The following THRAP3 variants were observed in gnomAD, a reference collection of about 807,000 sequenced individuals.
The protein encoded by THRAP3 is thyroid hormone receptor-associated protein 3.
Under a neutral mutation model 101.0 loss-of-function variants are expected in THRAP3, and 16 were observed. That is an observed-to-expected ratio of 0.16 (90% CI 0.11 to 0.24). The LOEUF is 0.24. Ranked by LOEUF, THRAP3 falls within the 10% of genes least tolerant of loss-of-function variation. THRAP3 has a pLI of 1.00. For synonymous variants in THRAP3, 407 were observed against 422.6 expected (o/e 0.96, Z 0.45); for missense variants, 989 against 1,202.7 (o/e 0.82, Z 2.63).
Position 36,289,378 on chromosome 1 carries a change from G to T in THRAP3, c.1359G>T (p.Met453Ile). Residue 453 changes from methionine to isoleucine, a missense_variant, in exon 5 of 12, where the codon ATG becomes ATT. Physicochemically the swap from Met to Ile is conservative, Grantham distance 10. Coordinates refer to ENST00000354618, the MANE Select transcript of THRAP3 (RefSeq NM_005119.4). ...AGTTTGATGATGAACCCAAATTTAT[G>T]TCTAAAGTCATAGGTGCAAACAAAA... ...ESEFDDEPKF[M>I]SKVIGANKNQ... The T allele has an allele frequency of 6.2e-7, 1 of 1,614,164 alleles. No homozygotes were observed. Among genetic ancestry groups the T allele is most frequent in the Non-Finnish European group, 8.5e-7 (1 of 1,180,032 alleles).
chr1:36,253,602 T>C (rs1645335714), intron 1 of THRAP3, among the ~76,000 whole-genome samples: 1 of 152,128 alleles, frequency 6.6e-6, no homozygotes, highest in Non-Finnish European at 1.5e-5. Flanking sequence ...TAATTTTGTT[T>C]TATTTCTTTG....
chr1:36,286,882 G>A lies in THRAP3; in HGVS notation c.652G>A (p.Glu218Lys), dbSNP rs753433509. 22 of 1,613,978 alleles carry A rather than the reference G, an allele frequency of 1.4e-5. No individual in the cohort carries two copies. Among genetic ancestry groups the A allele is most frequent in the Non-Finnish European group, 1.9e-5 (22 of 1,179,942 alleles). ...CACCTCTCAAGATACAAAAGCATCTGAGAGCTCGAAGCCATGGCCAGATGC... is the reference window on the plus strand; with the variant it reads ...CACCTCTCAAGATACAAAAGCATCTAAGAGCTCGAAGCCATGGCCAGATGC... ...GGTSQDTKAS[E>K]SSKPWPDATY... Residue 218 changes from glutamate to lysine, a missense_variant, in exon 4 of 12, where the codon GAG (glutamate) becomes AAG (lysine). Coordinates refer to ENST00000354618, the MANE Select transcript of THRAP3 (RefSeq NM_005119.4). The surrounding 1 kb of genome is among the most constrained non-coding windows in gnomAD (Gnocchi z 5.5).
intron 2 of THRAP3, among the ~76,000 whole-genome samples, chr1:36,277,460 A>G (rs1645675600): frequency 6.6e-6 from 1 of 151,500 alleles, no homozygotes; most frequent in African/African-American, 2.4e-5. Context: ...TCAGTCTCCC[A>G]ACGTGCTGGG....
chr1:36,290,329 G>A (rs1467590802), intron 5 of THRAP3, among the ~76,000 whole-genome samples: 1 of 151,816 alleles, frequency 6.6e-6, no homozygotes, highest in Non-Finnish European at 1.5e-5. Flanking sequence ...CCGAGTAGCT[G>A]GGACCACAGG....
intron 2 of THRAP3, among the ~76,000 whole-genome samples, chr1:36,265,553 A>T (rs1645503839): frequency 6.6e-6 from 1 of 151,302 alleles, no homozygotes; most frequent in Admixed American, 6.6e-5. Flanking sequence ...GAGCAGAAGA[A>T]TGCCCTTGGT....
the THRAP3 span, among the ~76,000 whole-genome samples, chr1:36,214,013 A>AGAAAG: frequency 1.1e-5 from 1 of 91,472 alleles, no homozygotes; most frequent in African/African-American, 4.7e-5. Context: ...AAAGAAAGAA[A>AGAAAG]GAAAGAAAGA....
upstream of THRAP3, among the ~76,000 whole-genome samples, chr1:36,221,588 G>C (rs1387542760): frequency 6.6e-6 from 1 of 152,146 alleles, no homozygotes; most frequent in African/African-American, 2.4e-5. Flanking sequence ...AGGCTCAGAT[G>C]ACAGCATTTT....
intron 2 of THRAP3, among the ~76,000 whole-genome samples, chr1:36,269,981 G>T (rs2124530623): frequency 6.6e-6 from 1 of 152,280 alleles, no homozygotes; most frequent in East Asian, 1.9e-4. Flanking sequence ...TTTTGACCAA[G>T]AATACAGTCT....
chr1:36,268,533 G>T (rs956990131), intron 2 of THRAP3, among the ~76,000 whole-genome samples: 1 of 152,130 alleles, frequency 6.6e-6, no homozygotes, highest in Non-Finnish European at 1.5e-5. Context: ...GACCCACCTT[G>T]CTGTGTCCTC....
At chr1:36,266,495 C>G (rs1287004376) in intron 2 of THRAP3, among the ~76,000 whole-genome samples, 1 of 152,098 alleles carries the variant, frequency 6.6e-6, no homozygotes, top group Non-Finnish European at 1.5e-5. Flanking sequence ...GTAATGTGGT[C>G]CTGTTCCTTT....
chr1:36,292,256 C>CTGTTTTTTTTTTTTTT (rs1645881325), intron 6 of THRAP3, among the ~76,000 whole-genome samples: 2 of 54,534 alleles, frequency 3.7e-5, no homozygotes, highest in Admixed American at 3.7e-4. Context: ...TAATGTGTTT[C>CTGTTTTTTTTTTTTTT]TTTGTTTCTT....
At chr1:36,271,917 A>G (rs1372334647) in intron 2 of THRAP3, among the ~76,000 whole-genome samples, 1 of 151,292 alleles carries the variant, frequency 6.6e-6, no homozygotes, top group Non-Finnish European at 1.5e-5. Flanking sequence ...TTTAATAGAG[A>G]TGGGGTTTTC....
chr1:36,232,549 G>C (rs1645040022), intron 1 of THRAP3, among the ~76,000 whole-genome samples: 1 of 152,312 alleles, frequency 6.6e-6, no homozygotes, highest in African/African-American at 2.4e-5. Context: ...TCTTTAGAGA[G>C]TAAGAGGGAT....
upstream of THRAP3, among the ~76,000 whole-genome samples, chr1:36,220,083 C>T (rs1197918460): frequency 6.6e-6 from 1 of 152,044 alleles, no homozygotes; most frequent in Admixed American, 6.6e-5. Context: ...CAACCTTCAC[C>T]TCTGGGTTTA....
At chr1:36,213,496 T>C in the THRAP3 span, among the ~76,000 whole-genome samples, 4 of 151,976 alleles carry the variant, frequency 2.6e-5, no homozygotes, top group African/African-American at 4.8e-5. Context: ...GCAGATAAGA[T>C]AGAAGGAGGA....
At chr1:36,296,903 A>G in intron 9 of THRAP3, 133 bp downstream of exon 9, 1 of 634,860 alleles carries the variant, frequency 1.6e-6, no homozygotes, top group Non-Finnish European at 2.4e-6. Context: ...CTTTTAATCC[A>G]TGTAAATGTC....
chr1:36,211,366 G>GAA, the THRAP3 span, among the ~76,000 whole-genome samples: 2 of 134,846 alleles, frequency 1.5e-5, no homozygotes, highest in Non-Finnish European at 1.6e-5. Context: ...GTCTCAAAAA[G>GAA]AAAAAAAAAA....
chr1:36,224,491 CTG>C lies in THRAP3; in HGVS notation c.-146_-145del, dbSNP rs1557800031. The C allele has an allele frequency of 4.6e-5, 7 of 152,616 alleles. No homozygotes were observed. Among genetic ancestry groups the C allele is most frequent in the Non-Finnish European group, 1.5e-5 (1 of 68,208 alleles). 9.5% of individuals were successfully genotyped at this position (152,616 alleles called of 1,614,324 possible). A position where few individuals can be genotyped will look rare whatever the true frequency, so the allele number is the denominator to read the frequency against. On this transcript the variant is annotated 5_prime_UTR_variant, in exon 1 of 12. Coordinates refer to ENST00000354618, the MANE Select transcript of THRAP3 (RefSeq NM_005119.4). The stretch of plus-strand genomic sequence containing the variant: ...CCGTTGCGAGCTGCAGCTGCGATCT[CTG>C]TGGTAGGCCCAGGTGAGTGAGCGCC...
intron 9 of THRAP3, among the ~76,000 whole-genome samples, chr1:36,299,460 G>T (rs985327074): frequency 6.6e-6 from 1 of 151,354 alleles, no homozygotes; most frequent in Non-Finnish European, 1.5e-5. Flanking sequence ...AAAAGACAAT[G>T]CAAAGACTCA....
Sources: gnomAD v4.1 joint callset for allele counts (sites outside exome capture counted in the v4.1 genomes callset) on GRCh38, gnomAD v4.1.1 for gene constraint, Gnocchi (gnomAD v3.1) non-coding constraint, MANE v1.5 for transcripts, NCBI Gene and HGNC (gene_info 2026-07-23, HGNC 2026-07-21) for gene names.